XKR4: variants seen among roughly 807,000 people sequenced by gnomAD.
The protein encoded by XKR4 is XK-related protein 4.
In XKR4, 12 loss-of-function variants were observed where a neutral mutation model predicts 53.9. The ratio of observed to expected loss-of-function variants is 0.22; its 90% CI spans 0.14 to 0.36. XKR4 has a LOEUF of 0.36. XKR4 is among the 10% of genes least tolerant of loss of function. The pLI, the probability that XKR4 is intolerant of heterozygous loss-of-function variation, is 1.00. For synonymous variants in XKR4, 354 were observed against 362.4 expected, an observed-to-expected ratio of 0.98 and a Z score of 0.26; for missense variants, 799 against 859.5, an observed-to-expected ratio of 0.93 and a Z score of 0.88.
intron 2 of XKR4, among the ~76,000 whole-genome samples, chr8:55,492,880 A>G (rs760870521): frequency 6.6e-6 from 1 of 152,206 alleles, no homozygotes; most frequent in African/African-American, 2.4e-5. Context: ...TGCAGCCATA[A>G]CATCTGAGGT....
At chr8:55,469,497 A>C (rs970891969) in intron 2 of XKR4, among the ~76,000 whole-genome samples, 10 of 152,094 alleles carry the variant, frequency 6.6e-5, no homozygotes, top group African/African-American at 2.2e-4. Context: ...AGTTTCTGTA[A>C]ATGTTGGGAT....
intron 2 of XKR4, among the ~76,000 whole-genome samples, chr8:55,392,620 A>G (rs1250958373): frequency 1.3e-5 from 2 of 152,080 alleles, no homozygotes; most frequent in Non-Finnish European, 2.9e-5. Context: ...GCCAAACCCT[A>G]TTTCTACAAA....
chr8:55,289,580 GAAGAAAGAAAGAGA>G (rs1372380012), intron 1 of XKR4, among the ~76,000 whole-genome samples: 4,789 of 84,914 alleles, frequency 0.056, 154 homozygotes, highest in East Asian at 0.088. Flanking sequence ...AGAGAGAAAG[GAAGAAAGAAAGAGA>G]AAGAAAGAAA....
intron 2 of XKR4, among the ~76,000 whole-genome samples, chr8:55,418,499 C>A (rs1046695048): frequency 1.3e-5 from 2 of 152,178 alleles, no homozygotes; most frequent in African/African-American, 4.8e-5. Context: ...CGTCTCACCC[C>A]CTCCGCTGCC....
intron 1 of XKR4, among the ~76,000 whole-genome samples, chr8:55,244,774 A>G (rs8181021): frequency 0.76 from 116,096 of 152,116 alleles, 47,530 homozygotes; most frequent in Non-Finnish European, 0.92. Flanking sequence ...ATGTGAGATG[A>G]CATCACATTG....
intron 1 of XKR4, among the ~76,000 whole-genome samples, chr8:55,263,468 A>T (rs925627465): frequency 6.6e-6 from 1 of 152,210 alleles, no homozygotes; most frequent in Non-Finnish European, 1.5e-5. Flanking sequence ...TCTGGTAAGT[A>T]GGTATGCTCT....
chr8:55,515,620 C>G (rs1806701224), intron 2 of XKR4, among the ~76,000 whole-genome samples: 1 of 152,158 alleles, frequency 6.6e-6, no homozygotes, highest in Non-Finnish European at 1.5e-5. Context: ...GGCAAAAATC[C>G]AAGAAGACTA....
At position 55,537,213 on chromosome 8, in the gene XKR4, T is replaced by A. The variant is rs1807042397; in HGVS notation, c.*12986T>A. 1 of 152,204 alleles carries A rather than the reference T, an allele frequency of 6.6e-6. No homozygotes were observed. The highest frequency in any genetic ancestry group is 2.4e-5 in the African/African-American group (1 of 41,442). 9.4% of individuals were successfully genotyped at this position (152,204 alleles called of 1,614,324 possible). A position where few individuals can be genotyped will look rare whatever the true frequency, so the allele number is the denominator to read the frequency against. On this transcript the variant is annotated 3_prime_UTR_variant, in exon 3 of 3. Transcript: ENST00000327381. ...GGAATATTTAGTGATATCTTTGTAG[T>A]CATCGTTAAAATTCCTGGGAAAAAA...
chr8:55,143,894 C>T (rs1816737851), intron 1 of XKR4, among the ~76,000 whole-genome samples: 1 of 152,244 alleles, frequency 6.6e-6, no homozygotes, highest in African/African-American at 2.4e-5. Context: ...AACCAAATCT[C>T]TACACACAGT....
At chr8:55,467,394 A>G (rs983648621) in intron 2 of XKR4, among the ~76,000 whole-genome samples, 31 of 152,222 alleles carry the variant, frequency 2.0e-4, no homozygotes, top group Admixed American at 5.9e-4. Context: ...AACCTTTGCC[A>G]TATTCTGTAA....
chr8:55,260,849 C>T (rs760652257), intron 1 of XKR4, among the ~76,000 whole-genome samples: 7 of 152,214 alleles, frequency 4.6e-5, no homozygotes, highest in Admixed American at 1.3e-4. Flanking sequence ...ATGGAGCCGC[C>T]ATTTTGAACA....
chr8:55,356,705 C>T lies in XKR4; in HGVS notation c.807-973C>T, dbSNP rs2658900. On this transcript the variant is annotated intron_variant, in intron 1 of 2. Coordinates refer to ENST00000327381, the MANE Select transcript of XKR4 (RefSeq NM_052898.2). Reference sequence around the variant, plus strand: ...GCTTTAAAATAATTTGGTGACAGGACGTAAGTGGAGGTGCAAATAAAAAAG... The same window carrying T: ...GCTTTAAAATAATTTGGTGACAGGATGTAAGTGGAGGTGCAAATAAAAAAG... Among the ~76,000 whole-genome samples, 602 of 152,146 alleles carry T rather than the reference C, an allele frequency of 4.0e-3. 2 individuals carry two copies. Among genetic ancestry groups the T allele is most frequent in the Non-Finnish European group, 5.7e-3 (385 of 67,994 alleles).
intron 1 of XKR4, among the ~76,000 whole-genome samples, chr8:55,257,866 T>C (rs1038097328): frequency 6.6e-6 from 1 of 152,212 alleles, no homozygotes; most frequent in African/African-American, 2.4e-5. Flanking sequence ...TCATATTTGT[T>C]TTCTTCATAC....
chr8:55,491,535 G>A (rs1806271897), intron 2 of XKR4, among the ~76,000 whole-genome samples: 1 of 121,478 alleles, frequency 8.2e-6, no homozygotes, highest in Admixed American at 7.4e-5. Context: ...TTTATTCTAA[G>A]GCTAGTTTAG....
intron 1 of XKR4, among the ~76,000 whole-genome samples, chr8:55,145,419 A>C (rs1483142760): frequency 8.8e-6 from 1 of 113,396 alleles, no homozygotes; most frequent in Admixed American, 1.0e-4. Context: ...TTAATACCTA[A>C]AATTTTTTCT....
intron 1 of XKR4, among the ~76,000 whole-genome samples, chr8:55,144,805 C>CTATTATTTTATTTTATTT (rs1816749133): frequency 7.2e-6 from 1 of 138,918 alleles, no homozygotes; most frequent in African/African-American, 2.7e-5. Flanking sequence ...AGTATTACCA[C>CTATTATTTTATTTTATTT]TATTTTATTT....
intron 2 of XKR4, among the ~76,000 whole-genome samples, chr8:55,393,573 A>G (rs79291795): frequency 1.7e-3 from 259 of 152,244 alleles, no homozygotes; most frequent in African/African-American, 6.0e-3. Flanking sequence ...TTGGTTTGAA[A>G]TCTTAGTAAA....
At chr8:55,476,513 A>T (rs1277103479) in intron 2 of XKR4, among the ~76,000 whole-genome samples, 4 of 151,964 alleles carry the variant, frequency 2.6e-5, no homozygotes, top group Non-Finnish European at 2.9e-5. Context: ...CTGCATTTCC[A>T]TCTGAAGTAC....
intron 2 of XKR4, chr8:55,453,618 C>T: frequency 2.4e-6 from 1 of 417,438 alleles, no homozygotes; most frequent in Non-Finnish European, 4.6e-6. Flanking sequence ...TGCATCTTGG[C>T]CTCAGCCTGG....
Sources: gnomAD v4.1 joint callset for allele counts (sites outside exome capture counted in the v4.1 genomes callset) on GRCh38, gnomAD v4.1.1 for gene constraint, MANE v1.5 for transcripts, NCBI Gene and HGNC (gene_info 2026-07-23, HGNC 2026-07-21) for gene names.